The following SCAMP1 variants were observed in gnomAD, a reference collection of about 807,000 sequenced individuals.
SCAMP1 encodes the protein secretory carrier-associated membrane protein 1.
Under a neutral mutation model 41.8 loss-of-function variants are expected in SCAMP1, and 15 were observed. The ratio of observed to expected loss-of-function variants is 0.36; its 90% CI spans 0.24 to 0.55. The LOEUF (loss-of-function observed/expected upper bound fraction) is 0.55, where lower values mean the gene tolerates loss of function less well. Among genes scored for constraint, SCAMP1 ranks in the 20% least tolerant of loss-of-function variants. The pLI is 0.86. For synonymous variants in SCAMP1, 135 were observed against 136.8 expected, an observed-to-expected ratio of 0.99 and a Z score of 0.09; for missense variants, 341 against 412.6, an observed-to-expected ratio of 0.83 and a Z score of 1.50.
intron 6 of SCAMP1, among the ~76,000 whole-genome samples, chr5:78,439,977 T>G (rs1752876426): frequency 6.6e-6 from 1 of 152,194 alleles, no homozygotes; most frequent in African/African-American, 2.4e-5. Flanking sequence ...CTGATACCCT[T>G]TCTTCCACTT....
chr5:78,416,739 A>G (rs1752219679), intron 4 of SCAMP1, 90 bp downstream of exon 4: 1 of 914,450 alleles, frequency 1.1e-6, no homozygotes. Context: ...GCCTGTGGAT[A>G]AAACCCTACC....
chr5:78,457,525 G>T (rs1753449161), intron 7 of SCAMP1, among the ~76,000 whole-genome samples: 1 of 152,178 alleles, frequency 6.6e-6, no homozygotes, highest in Non-Finnish European at 1.5e-5. Context: ...ACCCAGTTGA[G>T]GAGGCAGTCT....
chr5:78,468,958 C>T (rs1422939123), intron 8 of SCAMP1, among the ~76,000 whole-genome samples: 2 of 152,158 alleles, frequency 1.3e-5, no homozygotes, highest in East Asian at 3.8e-4. Context: ...TATACCAAAT[C>T]TATGCATACT....
chr5:78,412,260 A>T (rs1055870011), intron 2 of SCAMP1, among the ~76,000 whole-genome samples: 4 of 151,804 alleles, frequency 2.6e-5, no homozygotes, highest in Non-Finnish European at 5.9e-5. Flanking sequence ...TTTCATTATG[A>T]TTTCTTTCCC....
At chr5:78,373,571 G>C (rs1479785748) in intron 1 of SCAMP1, among the ~76,000 whole-genome samples, 1 of 152,072 alleles carries the variant, frequency 6.6e-6, no homozygotes, top group Admixed American at 6.6e-5. Context: ...TAAATGTTCA[G>C]TTCTTTGCCC....
At chr5:78,361,372 T>C (rs779586586) in intron 1 of SCAMP1, among the ~76,000 whole-genome samples, 3 of 152,172 alleles carry the variant, frequency 2.0e-5, no homozygotes, top group Non-Finnish European at 4.4e-5. Context: ...AATAAACATA[T>C]CTGGAAAACA....
intron 8 of SCAMP1, among the ~76,000 whole-genome samples, chr5:78,460,801 CTTCCTCCCTTCCTTCCTTCCTTTCTT>C (rs148661747): frequency 0.34 from 22,887 of 67,240 alleles, 4,194 homozygotes; most frequent in Middle Eastern, 0.44. Context: ...TCCTTCCTTC[CTTCCTCCCTTCCTTCCTTCCTTTCTT>C]GTCTTTCCTC....
rs750255612 is a variant in SCAMP1, at chr5:78,475,597, G to A, written c.946G>A (p.Ala316Thr). 8.1e-6 allele frequency: 13 copies of A among 1,607,354 alleles called. No individual in the cohort carries two copies. The highest frequency in any genetic ancestry group is 2.2e-5 in the East Asian group (1 of 44,732). The change falls in exon 9 of 9, where the codon GCA becomes ACA. Residue 316 changes from alanine (A) to threonine (T), a missense_variant. Physicochemically the swap from Ala to Thr is moderately conservative, Grantham distance 58. Transcript: ENST00000621999. ...GATGTCCAACAAAACTGTCCAGACC[G>A]CAGCTGCAAATGCAGCTTCAACTGC... ...GVMSNKTVQT[A>T]AANAASTAAS...
rs926703548 is a variant in SCAMP1, at chr5:78,386,221, T to C, written c.58-2616T>C. Reference sequence around the variant, plus strand: ...CATCATATGATGTCCCTCTTTGTCTTTTTTAAGTGCTGTTGCTTTAAAGTT... The same window carrying C: ...CATCATATGATGTCCCTCTTTGTCTCTTTTAAGTGCTGTTGCTTTAAAGTT... On this transcript the variant is annotated intron_variant, in intron 1 of 8. Coordinates refer to ENST00000621999, the MANE Select transcript of SCAMP1 (RefSeq NM_004866.6). Among the ~76,000 whole-genome samples, 8 of 152,180 alleles carry C rather than the reference T, an allele frequency of 5.3e-5. 1 individual carries two copies. The highest frequency in any genetic ancestry group is 1.9e-4 in the African/African-American group (8 of 41,452).
intron 1 of SCAMP1, among the ~76,000 whole-genome samples, chr5:78,372,238 T>C (rs1750960450): frequency 6.6e-6 from 1 of 152,214 alleles, no homozygotes; most frequent in Non-Finnish European, 1.5e-5. Context: ...TGGAGAGCAC[T>C]GTCAAGTGAA....
At chr5:78,468,900 A>T (rs1753806718) in intron 8 of SCAMP1, among the ~76,000 whole-genome samples, 1 of 152,144 alleles carries the variant, frequency 6.6e-6, no homozygotes, top group Non-Finnish European at 1.5e-5. Context: ...TGACTCTTAC[A>T]GTTATCCCTC....
At chr5:78,427,930 GT>G (rs1752507727) in intron 6 of SCAMP1, among the ~76,000 whole-genome samples, 1 of 152,124 alleles carries the variant, frequency 6.6e-6, no homozygotes, top group African/African-American at 2.4e-5. Context: ...TGTTGTAAGA[GT>G]TCTGTATTGG....
chr5:78,469,214 A>G (rs962644892), intron 8 of SCAMP1, among the ~76,000 whole-genome samples: 2 of 152,156 alleles, frequency 1.3e-5, no homozygotes, highest in Non-Finnish European at 2.9e-5. Flanking sequence ...TAGAAAGCTG[A>G]TAATTCCACT....
chr5:78,380,590 TA>T (rs1476459575), intron 1 of SCAMP1, among the ~76,000 whole-genome samples: 3 of 152,252 alleles, frequency 2.0e-5, no homozygotes, highest in Non-Finnish European at 2.9e-5. Flanking sequence ...TCTTTATGCT[TA>T]TTTTTTTTCA....
intron 1 of SCAMP1, among the ~76,000 whole-genome samples, chr5:78,385,492 G>A (rs571639920): frequency 1.3e-5 from 2 of 152,030 alleles, no homozygotes; most frequent in South Asian, 4.1e-4. Flanking sequence ...CTGGGTTTGG[G>A]TTTGGTTTGT....
At chr5:78,413,395 T>C (rs1752129254) in intron 2 of SCAMP1, among the ~76,000 whole-genome samples, 1 of 150,464 alleles carries the variant, frequency 6.6e-6, no homozygotes, top group African/African-American at 2.5e-5. Flanking sequence ...TTCTTCAAAA[T>C]GGTTTGACCT....
chr5:78,458,177 A>C (rs1490128045), intron 7 of SCAMP1, among the ~76,000 whole-genome samples: 1 of 151,966 alleles, frequency 6.6e-6, no homozygotes. Context: ...TGTAGACCGG[A>C]GCTGTTCCTA....
intron 8 of SCAMP1, among the ~76,000 whole-genome samples, chr5:78,469,944 C>T (rs1345406629): frequency 1.9e-5 from 2 of 106,722 alleles, no homozygotes; most frequent in African/African-American, 3.6e-5. Context: ...AACAACACAG[C>T]CCAGGCATGG....
intron 7 of SCAMP1, among the ~76,000 whole-genome samples, chr5:78,454,332 C>T (rs1309190292): frequency 8.5e-5 from 13 of 152,106 alleles, no homozygotes; most frequent in African/African-American, 2.7e-4. Flanking sequence ...TCATAGATAG[C>T]TCTTATTATT....
Sources: gnomAD v4.1 joint callset for allele counts (sites outside exome capture counted in the v4.1 genomes callset) on GRCh38, gnomAD v4.1.1 for gene constraint, MANE v1.5 for transcripts, NCBI Gene and HGNC (gene_info 2026-07-23, HGNC 2026-07-21) for gene names.